The following TTLL11 variants were observed in gnomAD, a reference collection of about 807,000 sequenced individuals.
TTLL11 encodes the protein tubulin polyglutamylase TTLL11.
Under a neutral mutation model 51.7 loss-of-function variants are expected in TTLL11, and 42 were observed. The observed-to-expected ratio is 0.81, with a 90% CI of 0.64 to 1.05. The LOEUF is 1.05. Among genes scored for constraint, TTLL11 ranks in the 50% least tolerant of loss-of-function variants. TTLL11 has a pLI of 0.00. For missense variants in TTLL11, 799 were observed against 940.4 expected (o/e 0.85, Z 1.97); for synonymous variants, 381 against 383.5 (o/e 0.99, Z 0.08).
At chr9:122,079,241 A>G (rs1341188182) in intron 1 of TTLL11, among the ~76,000 whole-genome samples, 1 of 152,268 alleles carries the variant, frequency 6.6e-6, no homozygotes, top group East Asian at 1.9e-4. Context: ...AACATGTACT[A>G]TCTGTCTTAT....
At chr9:122,056,381 T>A (rs1490146447) in intron 1 of TTLL11, among the ~76,000 whole-genome samples, 2 of 152,230 alleles carry the variant, frequency 1.3e-5, no homozygotes, top group East Asian at 3.8e-4. Flanking sequence ...ACGTGCTATC[T>A]CAATTCACTC....
intron 8 of TTLL11, among the ~76,000 whole-genome samples, chr9:121,858,735 A>G (rs1026882441): frequency 6.6e-6 from 1 of 152,226 alleles, no homozygotes; most frequent in Non-Finnish European, 1.5e-5. Context: ...CGAGGACTCC[A>G]AAGACCTCAG....
chr9:121,875,685 C>G (rs544362699), intron 6 of TTLL11, among the ~76,000 whole-genome samples: 1 of 152,242 alleles, frequency 6.6e-6, no homozygotes, highest in South Asian at 2.1e-4. Context: ...CAAGCCATCA[C>G]AAATATGTAA....
At chr9:122,038,764 C>T (rs1189358939) in intron 2 of TTLL11, among the ~76,000 whole-genome samples, 1 of 152,142 alleles carries the variant, frequency 6.6e-6, no homozygotes, top group East Asian at 1.9e-4. Flanking sequence ...TAAGATTTCT[C>T]CTTGCAGGAT....
intron 1 of TTLL11, among the ~76,000 whole-genome samples, chr9:122,046,284 CCTT>C (rs1006909886): frequency 8.5e-5 from 13 of 152,228 alleles, no homozygotes; most frequent in African/African-American, 2.9e-4. Context: ...CACCTCCCCT[CCTT>C]CTCTCTCTTC....
At chr9:122,030,776 C>CA (rs35456581) in intron 3 of TTLL11, among the ~76,000 whole-genome samples, 21,916 of 69,378 alleles carry the variant, frequency 0.32, 2,352 homozygotes, top group Non-Finnish European at 0.34. Flanking sequence ...ACAAAAAATA[C>CA]AAAAAAAAAA....
chr9:122,062,721 G>A (rs780314111), intron 1 of TTLL11, among the ~76,000 whole-genome samples: 10 of 151,126 alleles, frequency 6.6e-5, no homozygotes, highest in South Asian at 2.1e-4. Context: ...CACCTTCCTC[G>A]GCCTCCCAAA....
At chr9:122,092,080 A>G (rs149025376) in intron 1 of TTLL11, among the ~76,000 whole-genome samples, 1 of 152,348 alleles carries the variant, frequency 6.6e-6, no homozygotes, top group African/African-American at 2.4e-5. Context: ...GTTACCATTT[A>G]TTGCAGACTT....
chr9:122,009,606 G>A (rs997491036), intron 3 of TTLL11, among the ~76,000 whole-genome samples: 7 of 151,254 alleles, frequency 4.6e-5, no homozygotes, highest in Non-Finnish European at 8.9e-5. Context: ...TATATAAGTA[G>A]ATATACATAA....
chr9:121,818,750 C>T lies in TTLL11; in HGVS notation c.*3837G>A, dbSNP rs1836484797. 6.6e-6 allele frequency: 1 copy of T among 152,364 alleles called. No homozygotes were observed. Among genetic ancestry groups the T allele is most frequent in the Admixed American group, 6.5e-5 (1 of 15,280 alleles). The allele number at this position is 152,364 out of a possible 1,614,324, so 9.4% of individuals were successfully genotyped here. On this transcript the variant is annotated 3_prime_UTR_variant, in exon 9 of 9. Transcript: ENST00000321582. Reference sequence around the variant, plus strand: ...AGGGTGGTGGGAAATAGCACATCCTCCTCCTGTCTCATGACAACAGATACA... The same window carrying T: ...AGGGTGGTGGGAAATAGCACATCCTTCTCCTGTCTCATGACAACAGATACA...
intron 8 of TTLL11, among the ~76,000 whole-genome samples, chr9:121,843,872 C>G (rs1044110762): frequency 6.6e-6 from 1 of 152,074 alleles, no homozygotes; most frequent in African/African-American, 2.4e-5. Context: ...AGGTGTCTCA[C>G]TGTGCGGCGT....
rs1234036804 is a variant in TTLL11, at chr9:122,093,101, C to T, written c.48G>A (p.Ala16=). 2 of 1,499,330 alleles carry T rather than the reference C, an allele frequency of 1.3e-6. No homozygotes were observed. Among genetic ancestry groups the T allele is most frequent in the African/African-American group, 1.5e-5 (1 of 68,850 alleles). The allele number at this position is 1,499,330 out of a possible 1,614,324, so 92.9% of individuals were successfully genotyped here. A position where few individuals can be genotyped will look rare whatever the true frequency, so the allele number is the denominator to read the frequency against. ...SESELAARWE[A]EAVAAAKAAA... The stretch of plus-strand genomic sequence containing the variant: ...CCGCTTTGGCCGCAGCCACCGCCTC[C>T]GCCTCCCACCGGGCCGCCAGCTCGC... The change falls in exon 1 of 9, where the codon GCG becomes GCA. Residue 16 remains alanine (A), a synonymous_variant. Coordinates refer to ENST00000321582, the MANE Select transcript of TTLL11 (RefSeq NM_001139442.2).
intron 6 of TTLL11, among the ~76,000 whole-genome samples, chr9:121,882,427 G>T (rs1838833714): frequency 6.6e-6 from 1 of 152,122 alleles, no homozygotes; most frequent in Admixed American, 6.5e-5. Flanking sequence ...CCTCCTAATT[G>T]TCACTGATCT....
At chr9:122,038,600 G>C (rs1054317862) in intron 2 of TTLL11, among the ~76,000 whole-genome samples, 2 of 152,216 alleles carry the variant, frequency 1.3e-5, no homozygotes, top group African/African-American at 4.8e-5. Flanking sequence ...AGTGAGCCAA[G>C]ATCGTGCTGC....
At chr9:121,874,573 T>C (rs1286173351) in intron 6 of TTLL11, among the ~76,000 whole-genome samples, 1 of 152,190 alleles carries the variant, frequency 6.6e-6, no homozygotes, top group African/African-American at 2.4e-5. Flanking sequence ...ATACCCTACA[T>C]TGTAAGTATC....
At position 121,822,546 on chromosome 9, in the gene TTLL11, G is replaced by A; in HGVS notation, c.*41C>T. Reference sequence around the variant, plus strand: ...TGCCTGGGGCGCTCCAGCCCTGAAAGCTGCTCTCGTCTTCCGTTTTCCAGG... The same window carrying A: ...TGCCTGGGGCGCTCCAGCCCTGAAAACTGCTCTCGTCTTCCGTTTTCCAGG... On this transcript the variant is annotated 3_prime_UTR_variant, in exon 9 of 9. Coordinates refer to ENST00000321582, the MANE Select transcript of TTLL11 (RefSeq NM_001139442.2). The surrounding 1 kb of genome is among the most constrained non-coding windows in gnomAD (Gnocchi z 5.8). The A allele has an allele frequency of 7.0e-7, 1 of 1,422,640 alleles. No individual in the cohort carries two copies. The allele number at this position is 1,422,640 out of a possible 1,614,324, so 88.1% of individuals were successfully genotyped here. A position where few individuals can be genotyped will look rare whatever the true frequency, so the allele number is the denominator to read the frequency against.
At position 121,923,162 on chromosome 9, in the gene TTLL11, AAAG is replaced by A. The variant is rs1451453083; in HGVS notation, c.1481+50844_1481+50846del. Among the ~76,000 whole-genome samples, 5 of 152,344 alleles carry A rather than the reference AAAG, an allele frequency of 3.3e-5. No homozygotes were observed. In the South Asian group the frequency reaches 1.0e-3, roughly 32 times the overall value. On this transcript the variant is annotated intron_variant, in intron 6 of 8. Transcript: ENST00000321582. ...GTGATTCTAGAGCTGGGTTTTATTTAAAGAAGAACAAAATTGAGTACCACATAA... is the reference window on the plus strand; with the variant it reads ...GTGATTCTAGAGCTGGGTTTTATTTAAAGAACAAAATTGAGTACCACATAA...
At chr9:121,835,547 C>A (rs1486752925) in intron 8 of TTLL11, among the ~76,000 whole-genome samples, 1 of 152,198 alleles carries the variant, frequency 6.6e-6, no homozygotes, top group African/African-American at 2.4e-5. Flanking sequence ...TCACCTTTGT[C>A]CTTGGCCGGA....
intron 1 of TTLL11, among the ~76,000 whole-genome samples, chr9:122,090,690 ACC>A (rs373399358): frequency 3.2e-4 from 48 of 152,278 alleles, no homozygotes; most frequent in African/African-American, 1.1e-3. Flanking sequence ...TGTGCCAAGT[ACC>A]TGCGGGTACA....
Sources: gnomAD v4.1 joint callset for allele counts (sites outside exome capture counted in the v4.1 genomes callset) on GRCh38, gnomAD v4.1.1 for gene constraint, Gnocchi (gnomAD v3.1) non-coding constraint, MANE v1.5 for transcripts, NCBI Gene and HGNC (gene_info 2026-07-23, HGNC 2026-07-21) for gene names.